ENOX1: variants seen among roughly 807,000 people sequenced by gnomAD.
The protein encoded by ENOX1 is candidate growth-related and time keeping constitutive hydroquinone (NADH) oxidase.
In ENOX1, 42 loss-of-function variants were observed where a neutral mutation model predicts 82.5. That is an observed-to-expected ratio of 0.51 (90% confidence interval 0.40 to 0.66). The LOEUF (loss-of-function observed/expected upper bound fraction) is 0.66. Among genes scored for constraint, ENOX1 ranks in the 30% least tolerant of loss-of-function variants. ENOX1 has a pLI of 0.00. For missense variants in ENOX1, 608 were observed against 811.6 expected, an observed-to-expected ratio of 0.75 and a Z score of 3.05; for synonymous variants, 271 against 282.2, an observed-to-expected ratio of 0.96 and a Z score of 0.40.
intron 14 of ENOX1, among the ~76,000 whole-genome samples, chr13:43,247,856 TATATATATATATATA>T (rs2043188007): frequency 0.014 from 62 of 4,328 alleles, 3 homozygotes; most frequent in Non-Finnish European, 0.017. Context: ...TATATATATA[TATATATATATATATA>T]TATATATATA....
chr13:43,233,223 G>A (rs1282124260), intron 15 of ENOX1, among the ~76,000 whole-genome samples: 1 of 152,150 alleles, frequency 6.6e-6, no homozygotes, highest in African/African-American at 2.4e-5. Flanking sequence ...CCAATTATAT[G>A]TCAACCTGTC....
intron 3 of ENOX1, among the ~76,000 whole-genome samples, chr13:43,470,315 TACAC>T (rs1205932709): frequency 3.8e-5 from 2 of 53,298 alleles, no homozygotes; most frequent in Admixed American, 2.1e-4. Context: ...TACATATATA[TACAC>T]ATATATATAT....
chr13:43,591,511 A>G (rs2081244760), intron 2 of ENOX1, among the ~76,000 whole-genome samples: 1 of 152,268 alleles, frequency 6.6e-6, no homozygotes, highest in South Asian at 2.1e-4. Flanking sequence ...TGGGAGAGAG[A>G]TGAGGGGCAG....
chr13:43,233,134 C>T (rs549932966), intron 15 of ENOX1, among the ~76,000 whole-genome samples: 1 of 152,146 alleles, frequency 6.6e-6, no homozygotes, highest in African/African-American at 2.4e-5. Flanking sequence ...GTCAAGCTGA[C>T]CTTATGTGTG....
At chr13:43,529,525 A>T (rs2078123143) in intron 2 of ENOX1, among the ~76,000 whole-genome samples, 1 of 152,128 alleles carries the variant, frequency 6.6e-6, no homozygotes, top group Non-Finnish European at 1.5e-5. Context: ...ATAAAGAAGG[A>T]AAAAGAAATT....
chr13:43,496,785 T>C (rs1283885542), intron 2 of ENOX1, among the ~76,000 whole-genome samples: 4 of 152,156 alleles, frequency 2.6e-5, no homozygotes, highest in African/African-American at 9.7e-5. Flanking sequence ...CATATTCTGT[T>C]CCATTGATCT....
intron 12 of ENOX1, among the ~76,000 whole-genome samples, chr13:43,297,760 T>A (rs2046356247): frequency 6.6e-6 from 1 of 152,172 alleles, no homozygotes; most frequent in Non-Finnish European, 1.5e-5. Flanking sequence ...CAGGATGAGG[T>A]CTGGCACTCT....
chr13:43,699,796 C>A (rs951428092), intron 1 of ENOX1, among the ~76,000 whole-genome samples: 2 of 152,064 alleles, frequency 1.3e-5, no homozygotes, highest in African/African-American at 4.8e-5. Context: ...ACTTATTTGG[C>A]TTATTTTCTC....
intron 14 of ENOX1, among the ~76,000 whole-genome samples, chr13:43,248,233 A>G (rs867790546): frequency 1.4e-4 from 21 of 152,104 alleles, no homozygotes; most frequent in Middle Eastern, 3.4e-3. Context: ...ACCCTCTAAT[A>G]TTACATCAAA....
At chr13:43,550,739 TCTC>T (rs926680114) in intron 2 of ENOX1, among the ~76,000 whole-genome samples, 1 of 152,096 alleles carries the variant, frequency 6.6e-6, no homozygotes, top group African/African-American at 2.4e-5. Context: ...CTACAAAAAC[TCTC>T]CTCCTTACAA....
At chr13:43,475,210 T>C (rs1192562640) in intron 3 of ENOX1, among the ~76,000 whole-genome samples, 1 of 152,124 alleles carries the variant, frequency 6.6e-6, no homozygotes, top group Non-Finnish European at 1.5e-5. Context: ...ACTGGGGATA[T>C]CAGTACCACT....
intron 3 of ENOX1, among the ~76,000 whole-genome samples, chr13:43,426,588 T>C (rs1348528099): frequency 1.3e-5 from 2 of 152,210 alleles, no homozygotes; most frequent in Non-Finnish European, 2.9e-5. Context: ...TATGATGAGA[T>C]AATGTTTATT....
intron 3 of ENOX1, among the ~76,000 whole-genome samples, chr13:43,446,898 C>G (rs2056679265): frequency 6.6e-6 from 1 of 152,182 alleles, no homozygotes; most frequent in African/African-American, 2.4e-5. Flanking sequence ...CCAGTCAAAC[C>G]CTAATCTCAA....
At chr13:43,620,306 CT>C (rs762002779) in intron 2 of ENOX1, among the ~76,000 whole-genome samples, 1 of 151,062 alleles carries the variant, frequency 6.6e-6, no homozygotes, top group Admixed American at 6.6e-5. Context: ...TTGGTTTGTT[CT>C]TGTTTCTCTA....
intron 2 of ENOX1, among the ~76,000 whole-genome samples, chr13:43,635,200 G>T (rs751559694): frequency 2.0e-5 from 3 of 152,134 alleles, no homozygotes; most frequent in African/African-American, 4.8e-5. Context: ...ACTCCAAAAG[G>T]GGGTATAAGA....
intron 2 of ENOX1, among the ~76,000 whole-genome samples, chr13:43,609,153 C>T (rs942649655): frequency 3.3e-5 from 5 of 152,104 alleles, no homozygotes; most frequent in South Asian, 4.1e-4. Flanking sequence ...TGTCTTTTTA[C>T]GATCAGGTGG....
At chr13:43,532,574 T>C (rs1378112421) in intron 2 of ENOX1, among the ~76,000 whole-genome samples, 2 of 152,150 alleles carry the variant, frequency 1.3e-5, no homozygotes, top group Middle Eastern at 3.2e-3. Flanking sequence ...TGATGTAGTA[T>C]CAAAGAACAA....
chr13:43,641,529 A>ATTTTTTTTTTTTTTTTTTTTTTTTTTT (rs769737189), intron 2 of ENOX1, among the ~76,000 whole-genome samples: 1 of 83,094 alleles, frequency 1.2e-5, no homozygotes, highest in Non-Finnish European at 2.1e-5. Flanking sequence ...TTAATTTTTA[A>ATTTTTTTTTTTTTTTTTTTTTTTTTTT]TTTTTTTTTT....
At chr13:43,301,060 G>C (rs2046548626) in intron 11 of ENOX1, among the ~76,000 whole-genome samples, 1 of 152,204 alleles carries the variant, frequency 6.6e-6, no homozygotes, top group African/African-American at 2.4e-5. Flanking sequence ...TTGTAATAGG[G>C]CAAAATCACA....
Sources: gnomAD v4.1 joint callset for allele counts (sites outside exome capture counted in the v4.1 genomes callset) on GRCh38, gnomAD v4.1.1 for gene constraint, MANE v1.5 for transcripts, NCBI Gene and HGNC (gene_info 2026-07-23, HGNC 2026-07-21) for gene names.